STIM1: variants seen among roughly 807,000 people sequenced by gnomAD.
STIM1 encodes the protein stromal interaction molecule 1.
In STIM1, 25 loss-of-function variants were observed where a neutral mutation model predicts 74.7. That is an observed-to-expected ratio of 0.33 (90% CI 0.24 to 0.47). The LOEUF is 0.47. Ranked by LOEUF, STIM1 falls within the 20% of genes least tolerant of loss-of-function variation. The probability of loss-of-function intolerance (pLI) is 1.00; values close to 1 mark genes in which losing one functional copy is unlikely to be tolerated. For missense variants in STIM1, 728 were observed against 920.8 expected (o/e 0.79, Z 2.71); for synonymous variants, 328 against 348.8 (o/e 0.94, Z 0.66).
In STIM1 at chr11:3,861,712, A is replaced by G. The variant is rs139220624; in HGVS notation, c.139+5303A>G. On this transcript the variant is annotated intron_variant, in intron 1 of 12. Transcript: ENST00000526596. The stretch of plus-strand genomic sequence containing the variant: ...GTAATTGAAGGAAATGCTAACTTTC[A>G]GTAAGAGAATATTGAAAACAAAGAT... 3.9e-3 allele frequency among the ~76,000 whole-genome samples: 589 copies of G among 152,360 alleles called. 3 individuals carry two copies. Among genetic ancestry groups the G allele is most frequent in the African/African-American group, 0.013 (536 of 41,578 alleles).
At chr11:3,899,610 T>A (rs1385326570) in intron 1 of STIM1, among the ~76,000 whole-genome samples, 1 of 151,258 alleles carries the variant, frequency 6.6e-6, no homozygotes, top group Non-Finnish European at 1.5e-5. Context: ...TCAAAGGGAA[T>A]GCTTCCAGTT....
intron 1 of STIM1, among the ~76,000 whole-genome samples, chr11:3,893,874 C>G (rs1052639984): frequency 1.3e-4 from 20 of 152,142 alleles, no homozygotes. Flanking sequence ...CAAATAAGGT[C>G]TACATCATGT....
intron 1 of STIM1, among the ~76,000 whole-genome samples, chr11:3,941,696 AGTGT>A (rs61374697): frequency 7.1e-6 from 1 of 141,806 alleles, no homozygotes; most frequent in Non-Finnish European, 1.5e-5. Context: ...AGAGAGAGAG[AGTGT>A]GTGTGTGTCT....
intron 2 of STIM1, among the ~76,000 whole-genome samples, chr11:3,977,408 T>A (rs2093458920): frequency 6.6e-6 from 1 of 152,210 alleles, no homozygotes; most frequent in East Asian, 1.9e-4. Context: ...TATAGAAGTA[T>A]AACACAGGGT....
At position 4,091,329 on chromosome 11, in the gene STIM1, G is replaced by A. The variant is rs746517083; in HGVS notation, c.1682G>A (p.Arg561His). 2.5e-5 allele frequency: 40 copies of A among 1,614,122 alleles called. No homozygotes were observed. The East Asian group carries it at 4.9e-4, about 20-fold the overall frequency. The change falls in exon 13 of 13, where the codon CGC (arginine) becomes CAC (histidine). Residue 561 changes from arginine to histidine, a missense_variant. Physicochemically the swap from Arg to His is conservative, Grantham distance 29. This residue lies in a region of STIM1 where 352 missense variants were observed against 370.1 expected (regional missense o/e 0.95). Coordinates refer to ENST00000526596, the MANE Select transcript of STIM1 (RefSeq NM_001382567.1). ...DSESSLHMSD[R>H]QRVAPKPPQM... ...GAGTCCTCCCTCCACATGAGTGACC[G>A]CCAGCGTGTGGCCCCCAAACCTCCT...
intron 1 of STIM1, among the ~76,000 whole-genome samples, chr11:3,920,636 T>C (rs2092705819): frequency 6.6e-6 from 1 of 152,128 alleles, no homozygotes. Context: ...ACTGGATACT[T>C]GACCTGTTGA....
At chr11:4,034,033 A>T (rs1322629079) in intron 3 of STIM1, among the ~76,000 whole-genome samples, 1 of 151,644 alleles carries the variant, frequency 6.6e-6, no homozygotes, top group Non-Finnish European at 1.5e-5. Flanking sequence ...GTTTGAGACC[A>T]GCCTGGCCAA....
intron 1 of STIM1, among the ~76,000 whole-genome samples, chr11:3,910,773 A>G (rs1342895919): frequency 1.3e-5 from 2 of 151,444 alleles, no homozygotes; most frequent in African/African-American, 4.9e-5. Flanking sequence ...CAAGATCAGG[A>G]GTTCGAGACC....
chr11:3,964,727 C>CTT (rs796758787), intron 1 of STIM1, among the ~76,000 whole-genome samples: 13 of 142,092 alleles, frequency 9.1e-5, no homozygotes, highest in South Asian at 2.2e-4. Context: ...TTCTTTAATT[C>CTT]TTTTTTTTTT....
At chr11:3,968,391 A>G (rs1192983339) in intron 2 of STIM1, among the ~76,000 whole-genome samples, 2 of 152,244 alleles carry the variant, frequency 1.3e-5, no homozygotes, top group Non-Finnish European at 2.9e-5. Context: ...CAAATCTTCA[A>G]TAGTGATGTA....
At chr11:3,940,698 G>A (rs777923763) in intron 1 of STIM1, among the ~76,000 whole-genome samples, 8 of 152,162 alleles carry the variant, frequency 5.3e-5, no homozygotes, top group Non-Finnish European at 7.3e-5. Flanking sequence ...AGGTTGGTTA[G>A]CATTTGGAGA....
chr11:3,875,190 G>A (rs1037030075), intron 1 of STIM1, among the ~76,000 whole-genome samples: 1 of 152,096 alleles, frequency 6.6e-6, no homozygotes, highest in Non-Finnish European at 1.5e-5. Flanking sequence ...AGCATGCCAA[G>A]ATACTAACCT....
intron 2 of STIM1, among the ~76,000 whole-genome samples, chr11:4,018,422 G>A (rs71480426): frequency 1.7e-5 from 2 of 115,962 alleles, no homozygotes; most frequent in Non-Finnish European, 3.3e-5. Context: ...ACTGCAGTCC[G>A]CAGTCCGGCC....
intron 3 of STIM1, among the ~76,000 whole-genome samples, chr11:4,053,180 T>G (rs1341686448): frequency 2.0e-5 from 3 of 152,204 alleles, no homozygotes; most frequent in African/African-American, 7.2e-5. Flanking sequence ...TGGTGATTCC[T>G]CAAGGATCTA....
intron 6 of STIM1, among the ~76,000 whole-genome samples, chr11:4,073,059 T>TTG (rs1381991527): frequency 1.3e-5 from 2 of 149,806 alleles, no homozygotes; most frequent in South Asian, 2.2e-4. Flanking sequence ...TTTTTTTTTT[T>TTG]TTTTTTTTTT....
At chr11:3,929,685 G>A (rs2135554740) in intron 1 of STIM1, among the ~76,000 whole-genome samples, 1 of 152,268 alleles carries the variant, frequency 6.6e-6, no homozygotes, top group East Asian at 1.9e-4. Flanking sequence ...AAAGTTAGAA[G>A]GGTTGAGGAG....
chr11:3,879,490 T>C, intron 1 of STIM1, among the ~76,000 whole-genome samples: 1 of 152,246 alleles, frequency 6.6e-6, no homozygotes, highest in Non-Finnish European at 1.5e-5. Flanking sequence ...ATGGTAGTCA[T>C]ATTATAATAA....
chr11:4,061,880 C>A (rs903766397), intron 5 of STIM1, among the ~76,000 whole-genome samples: 7 of 152,064 alleles, frequency 4.6e-5, no homozygotes, highest in African/African-American at 1.7e-4. Flanking sequence ...AGAAGCCAGA[C>A]ACAAAAGATC....
chr11:3,927,386 T>A (rs2135546732), intron 1 of STIM1, among the ~76,000 whole-genome samples: 1 of 152,344 alleles, frequency 6.6e-6, no homozygotes, highest in Middle Eastern at 3.4e-3. Context: ...ATATTGAACA[T>A]AGGGTCTGAA....
Sources: allele counts gnomAD v4.1 joint callset (sites outside exome capture counted in the v4.1 genomes callset), GRCh38; gene constraint gnomAD v4.1.1; regional missense constraint gnomAD v4.1.1; transcripts MANE v1.5; gene names NCBI Gene and HGNC (gene_info 2026-07-23, HGNC 2026-07-21).